Variants in NDUFV3 observed in about 807,000 individuals in gnomAD.
NDUFV3 encodes the protein NADH:ubiquinone oxidoreductase subunit V3.
Under a neutral mutation model 37.5 loss-of-function variants are expected in NDUFV3, and 44 were observed. The observed-to-expected ratio is 1.17, with a 90% CI of 0.92 to 1.51. The LOEUF is 1.51. Ranked by LOEUF, NDUFV3 falls within the 40% of genes most tolerant of loss-of-function variation. NDUFV3 has a pLI of 0.00. For missense variants in NDUFV3, 580 were observed against 580.4 expected, an observed-to-expected ratio of 1.00 and a Z score of 0.01; for synonymous variants, 235 against 239.3, an observed-to-expected ratio of 0.98 and a Z score of 0.17.
rs2058731472 is a variant in NDUFV3 at position 42,904,201 on chromosome 21, G to A, written c.1189G>A (p.Ala397Thr). Residue 397 changes from alanine (A) to threonine (T), a missense_variant, in exon 3 of 4, where the codon GCG (alanine) becomes ACG (threonine). Ala to Thr is a moderately conservative substitution (Grantham distance 58, BLOSUM62 0). Transcript: ENST00000354250. ...NNHGFHEKTA[A>T]LKLEAEGEAM... ...CCACGGTTTCCATGAAAAGACAGCAGCGCTGAAGCTTGAGGCCGAGGGCGA... is the reference window on the plus strand; with the variant it reads ...CCACGGTTTCCATGAAAAGACAGCAACGCTGAAGCTTGAGGCCGAGGGCGA... The A allele has an allele frequency of 6.2e-7, 1 of 1,614,018 alleles. No homozygotes were observed. The highest frequency in any genetic ancestry group is 1.7e-5 in the Admixed American group (1 of 59,970).
rs1219366247 is a variant in NDUFV3 at position 42,896,944 on chromosome 21, C to G, written c.66C>G (p.Ala22=). 6.2e-7 allele frequency: 1 copy of G among 1,613,620 alleles called. No homozygotes were observed. The highest frequency in any genetic ancestry group is 8.5e-7 in the Non-Finnish European group (1 of 1,179,702). Residue 22 remains alanine (A), a synonymous_variant, in exon 2 of 4, where the codon GCC becomes GCG. Coordinates refer to ENST00000354250, the MANE Select transcript of NDUFV3 (RefSeq NM_021075.4). ...TTTGTCAGACTATGCTCCAGGAAGCCCAGGTGTTTCGAGGACTTGCTTCTA... is the reference window on the plus strand; with the variant it reads ...TTTGTCAGACTATGCTCCAGGAAGCGCAGGTGTTTCGAGGACTTGCTTCTA... ...AGALKTMLQE[A]QVFRGLASTV...
At chr21:42,895,652 CAAAA>C (rs68028200) in intron 1 of NDUFV3, among the ~76,000 whole-genome samples, 1 of 92,332 alleles carries the variant, frequency 1.1e-5, no homozygotes, top group Non-Finnish European at 2.3e-5. Flanking sequence ...ACCCTGTCTC[CAAAA>C]AAAAAAAAAA....
At chr21:42,904,323 G>A in intron 3 of NDUFV3, 47 bp downstream of exon 3, 1 of 1,554,626 alleles carries the variant, frequency 6.4e-7, no homozygotes, top group Non-Finnish European at 8.7e-7. Flanking sequence ...CCTTAGGGTA[G>A]TGAGGCAAAA....
intron 1 of NDUFV3, among the ~76,000 whole-genome samples, chr21:42,895,113 T>C (rs2058684856): frequency 6.6e-6 from 1 of 151,962 alleles, no homozygotes; most frequent in South Asian, 2.1e-4. Context: ...ATCCCAGTAC[T>C]TTGGGAGGCC....
rs544375556 is a variant in NDUFV3, at chr21:42,910,410, G to C, written c.*1389G>C. On this transcript the variant is annotated 3_prime_UTR_variant, in exon 4 of 4. Transcript: ENST00000354250. ...GTATTTTACCATCAGAAAAGGAAGG[G>C]AATTGTTTTGTTTGCCTCTGTTAGA... 6.6e-6 allele frequency: 1 copy of C among 152,428 alleles called. No individual in the cohort carries two copies. The highest frequency in any genetic ancestry group is 2.1e-4 in the South Asian group (1 of 4,848). The allele number at this position is 152,428 out of a possible 1,614,324, so 9.4% of individuals were successfully genotyped here.
chr21:42,894,435 AT>A (rs571152524), intron 1 of NDUFV3, among the ~76,000 whole-genome samples: 744 of 57,532 alleles, frequency 0.013, 88 homozygotes, highest in Middle Eastern at 0.037. Context: ...ATAAATATAT[AT>A]TATATAATAT....
intron 2 of NDUFV3, among the ~76,000 whole-genome samples, chr21:42,898,592 CTGGAGTAG>C (rs1424860783): frequency 6.6e-6 from 1 of 152,230 alleles, no homozygotes; most frequent in Non-Finnish European, 1.5e-5. Context: ...ACCTCAGCCC[CTGGAGTAG>C]CCAGGACTAC....
intron 1 of NDUFV3, among the ~76,000 whole-genome samples, chr21:42,893,815 C>G (rs1054000497): frequency 1.3e-5 from 2 of 152,242 alleles, no homozygotes; most frequent in Non-Finnish European, 2.9e-5. Context: ...CTTTCAGGGA[C>G]CTGGTTAACT....
At chr21:42,897,888 G>A (rs2146150575) in intron 2 of NDUFV3, among the ~76,000 whole-genome samples, 1 of 151,812 alleles carries the variant, frequency 6.6e-6, no homozygotes, top group Non-Finnish European at 1.5e-5. Flanking sequence ...ATGTTAGCCG[G>A]GATGGTCTTG....
chr21:42,896,987 G>A lies in NDUFV3; in HGVS notation c.109G>A (p.Glu37Lys), dbSNP rs905060817. ...TGCTTCTACGGTTTCTTTGTCTGCG[G>A]AATCAGGGAAGAGTGAAAAGGGTCA... ...GLASTVSLSA[E>K]SGKSEKGQPQ... The change falls in exon 2 of 4, where the codon GAA becomes AAA. Residue 37 changes from glutamate (E) to lysine (K), a missense_variant. Glu to Lys is a moderately conservative substitution (Grantham distance 56). Coordinates refer to ENST00000354250, the MANE Select transcript of NDUFV3 (RefSeq NM_021075.4). The A allele has an allele frequency of 6.2e-7, 1 of 1,613,984 alleles. No homozygotes were observed. The highest frequency in any genetic ancestry group is 8.5e-7 in the Non-Finnish European group (1 of 1,180,028).
intron 3 of NDUFV3, among the ~76,000 whole-genome samples, chr21:42,908,403 T>C (rs1478592728): frequency 6.6e-6 from 1 of 152,262 alleles, no homozygotes. Context: ...TCTTTTTCTT[T>C]ACTGTGGCTT....
At chr21:42,905,389 G>A (rs1933427640) in intron 3 of NDUFV3, among the ~76,000 whole-genome samples, 1 of 152,198 alleles carries the variant, frequency 6.6e-6, no homozygotes, top group African/African-American at 2.4e-5. Context: ...AGTAAGTGTT[G>A]TACAGGTCAG....
intron 2 of NDUFV3, among the ~76,000 whole-genome samples, chr21:42,898,611 A>G (rs1161897362): frequency 6.6e-6 from 1 of 152,216 alleles, no homozygotes; most frequent in African/African-American, 2.4e-5. Flanking sequence ...CCAGGACTAC[A>G]GGTGCACACC....
In NDUFV3 at chr21:42,897,000, G is replaced by A; in HGVS notation, c.122G>A (p.Ser41Asn). ...TVSLSAESGK[S>N]EKGQPQNSKK... ...TCTTTGTCTGCGGAATCAGGGAAGA[G>A]TGAAAAGGGTCAGCCACAGAATTCC... Residue 41 changes from serine (S) to asparagine (N), a missense_variant, in exon 2 of 4, where the codon AGT (serine) becomes AAT (asparagine). Physicochemically the swap from Ser to Asn is conservative, Grantham distance 46. Coordinates refer to ENST00000354250, the MANE Select transcript of NDUFV3 (RefSeq NM_021075.4). 1 of 1,614,128 alleles carries A rather than the reference G, an allele frequency of 6.2e-7. No homozygotes were observed. The highest frequency in any genetic ancestry group is 1.1e-5 in the South Asian group (1 of 91,080).
At chr21:42,905,888 G>A (rs1282244237) in intron 3 of NDUFV3, among the ~76,000 whole-genome samples, 4 of 144,014 alleles carry the variant, frequency 2.8e-5, no homozygotes, top group Non-Finnish European at 6.0e-5. Flanking sequence ...TTTGGAGATG[G>A]AATCTCACTC....
intron 3 of NDUFV3, among the ~76,000 whole-genome samples, chr21:42,906,385 G>A (rs149782241): frequency 1.7e-3 from 254 of 152,136 alleles, no homozygotes; most frequent in South Asian, 4.4e-3. Flanking sequence ...ACGCCTTCTT[G>A]TTCTTGGTTC....
At chr21:42,901,413 G>T (rs1455637081) in intron 2 of NDUFV3, among the ~76,000 whole-genome samples, 1 of 150,738 alleles carries the variant, frequency 6.6e-6, no homozygotes, top group Non-Finnish European at 1.5e-5. Context: ...TTGCACTCTA[G>T]CCTGACCCAA....
At chr21:42,905,453 A>G (rs916080011) in intron 3 of NDUFV3, among the ~76,000 whole-genome samples, 1 of 152,214 alleles carries the variant, frequency 6.6e-6, no homozygotes, top group Non-Finnish European at 1.5e-5. Context: ...TGGTTAACTG[A>G]AAACACATGT....
At position 42,903,581 on chromosome 21, in the gene NDUFV3, C is replaced by A; in HGVS notation, c.569C>A (p.Ala190Asp). ...KGRGGLRKPE[A>D]SHSFENRAPR... ...AGAGGGGGGCTTCGAAAACCAGAGG[C>A]CTCTCATTCCTTTGAAAACAGAGCC... Residue 190 changes from alanine to aspartate, a missense_variant, in exon 3 of 4, where the codon GCC becomes GAC. Coordinates refer to ENST00000354250, the MANE Select transcript of NDUFV3 (RefSeq NM_021075.4). 1.2e-6 allele frequency: 2 copies of A among 1,613,898 alleles called. No individual in the cohort carries two copies. Among genetic ancestry groups the A allele is most frequent in the Non-Finnish European group, 1.7e-6 (2 of 1,180,010 alleles).
Sources: allele counts gnomAD v4.1 joint callset (sites outside exome capture counted in the v4.1 genomes callset), GRCh38; gene constraint gnomAD v4.1.1; transcripts MANE v1.5; gene names NCBI Gene and HGNC (gene_info 2026-07-23, HGNC 2026-07-21).